Variants in LMBRD1 observed in about 807,000 individuals in gnomAD.
The protein encoded by LMBRD1 is lysosomal cobalamin transport escort protein LMBD1.
A neutral mutation model predicts 74.8 loss-of-function variants in LMBRD1; 64 were observed. The ratio of observed to expected loss-of-function variants is 0.86; its 90% CI spans 0.70 to 1.05. The LOEUF is 1.05. Ranked by LOEUF, LMBRD1 falls within the 50% of genes least tolerant of loss-of-function variation. The probability of loss-of-function intolerance (pLI) is 0.00; values close to 1 mark genes in which losing one functional copy is unlikely to be tolerated. For synonymous variants in LMBRD1, 204 were observed against 216.3 expected (o/e 0.94, Z 0.50); for missense variants, 652 against 645.9 (o/e 1.01, Z -0.10).
At chr6:69,717,720 G>A (rs191674778) in intron 8 of LMBRD1, among the ~76,000 whole-genome samples, 4 of 152,148 alleles carry the variant, frequency 2.6e-5, no homozygotes, top group Admixed American at 1.3e-4. Flanking sequence ...TTTAAACAGG[G>A]TCTTGCTCCA....
intron 14 of LMBRD1, among the ~76,000 whole-genome samples, chr6:69,678,728 C>G (rs777655056): frequency 6.6e-6 from 1 of 152,038 alleles, no homozygotes; most frequent in Non-Finnish European, 1.5e-5. Flanking sequence ...TTTTTCTGAG[C>G]TCTCTTCTCA....
At chr6:69,734,033 G>T (rs1000472283) in intron 7 of LMBRD1, among the ~76,000 whole-genome samples, 3 of 152,156 alleles carry the variant, frequency 2.0e-5, no homozygotes, top group Non-Finnish European at 4.4e-5. Context: ...AAGAAATTTA[G>T]ATGGGAAAGT....
At chr6:69,690,340 A>C (rs533499037) in intron 14 of LMBRD1, among the ~76,000 whole-genome samples, 2 of 152,288 alleles carry the variant, frequency 1.3e-5, no homozygotes, top group South Asian at 4.1e-4. Flanking sequence ...AACGACTCAA[A>C]CAAAAATGCT....
chr6:69,701,918 C>G lies in LMBRD1; in HGVS notation c.951G>C (p.Leu317Phe). Residue 317 changes from leucine to phenylalanine, a missense_variant, in exon 10 of 16, where the codon TTG (leucine) becomes TTC (phenylalanine). By Grantham distance (22) the Leu-to-Phe change is conservative (BLOSUM62 0). Transcript: ENST00000649934. Reference sequence around the variant, plus strand: ...ACAAGAAGAGAGAAATTACAAACAGCAATGCAACTAAGATGAAAAATATTC... The same window carrying G: ...ACAAGAAGAGAGAAATTACAAACAGGAATGCAACTAAGATGAAAAATATTC... Reference protein sequence around the residue: ...VWGIFFILVALLFVISLFLSN... With the variant: ...VWGIFFILVAFLFVISLFLSN... 6.2e-7 allele frequency: 1 copy of G among 1,600,860 alleles called. No individual in the cohort carries two copies. Among genetic ancestry groups the G allele is most frequent in the East Asian group, 2.2e-5 (1 of 44,606 alleles).
chr6:69,771,552 G>T (rs1009367625), intron 3 of LMBRD1, among the ~76,000 whole-genome samples: 1 of 152,152 alleles, frequency 6.6e-6, no homozygotes, highest in Non-Finnish European at 1.5e-5. Flanking sequence ...ATAAGGGCAT[G>T]AATATTAGGA....
At chr6:69,743,281 A>G (rs1339692385) in intron 5 of LMBRD1, among the ~76,000 whole-genome samples, 1 of 152,198 alleles carries the variant, frequency 6.6e-6, no homozygotes, top group African/African-American at 2.4e-5. Flanking sequence ...CACCCATCAT[A>G]CTATTAAAAA....
At chr6:69,695,891 CAG>C (rs1765986605) in intron 14 of LMBRD1, among the ~76,000 whole-genome samples, 1 of 147,368 alleles carries the variant, frequency 6.8e-6, no homozygotes, top group Non-Finnish European at 1.5e-5. Context: ...TCGCCTGGGT[CAG>C]AGTGCAGTGG....
intron 8 of LMBRD1, among the ~76,000 whole-genome samples, chr6:69,717,204 T>C (rs977145212): frequency 3.9e-5 from 6 of 152,196 alleles, no homozygotes; most frequent in African/African-American, 1.4e-4. Context: ...TAAACTCTTA[T>C]TAGTTCTACT....
chr6:69,792,180 A>C (rs1158969565), intron 1 of LMBRD1, among the ~76,000 whole-genome samples: 1 of 152,240 alleles, frequency 6.6e-6, no homozygotes, highest in African/African-American at 2.4e-5. Flanking sequence ...AAGAATGCCC[A>C]CACGAGTGTG....
At chr6:69,789,976 C>T (rs1457498) in intron 2 of LMBRD1, among the ~76,000 whole-genome samples, 12,778 of 152,296 alleles carry the variant, frequency 0.084, 676 homozygotes, top group Admixed American at 0.15. Flanking sequence ...TGATCTGCCA[C>T]TAACAAAAGC....
chr6:69,709,469 T>C (rs1766336982), intron 9 of LMBRD1, among the ~76,000 whole-genome samples: 2 of 152,086 alleles, frequency 1.3e-5, no homozygotes, highest in South Asian at 4.1e-4. Context: ...TAACTTAGGA[T>C]CAGACATGGA....
chr6:69,708,944 C>T (rs1229202494), intron 9 of LMBRD1, among the ~76,000 whole-genome samples: 1 of 151,884 alleles, frequency 6.6e-6, no homozygotes, highest in African/African-American at 2.4e-5. Flanking sequence ...GTTTAAGAAA[C>T]ACTAAATGAG....
chr6:69,755,131 A>T (rs949002901), intron 3 of LMBRD1, among the ~76,000 whole-genome samples: 3 of 152,168 alleles, frequency 2.0e-5, no homozygotes, highest in Admixed American at 6.5e-5. Flanking sequence ...ACATGCACAC[A>T]TATGTTTACT....
At chr6:69,757,960 G>C (rs1388999264) in intron 3 of LMBRD1, among the ~76,000 whole-genome samples, 4 of 152,122 alleles carry the variant, frequency 2.6e-5, no homozygotes, top group Non-Finnish European at 4.4e-5. Context: ...TTAAACTCAT[G>C]AAACAAGTTG....
chr6:69,738,529 C>T (rs1321303575), intron 6 of LMBRD1, among the ~76,000 whole-genome samples: 2 of 151,782 alleles, frequency 1.3e-5, no homozygotes, highest in African/African-American at 4.8e-5. Flanking sequence ...CACTTTTTAA[C>T]TTGAAAGGAC....
At chr6:69,723,533 A>G (rs1462721506) in intron 7 of LMBRD1, among the ~76,000 whole-genome samples, 1 of 152,166 alleles carries the variant, frequency 6.6e-6, no homozygotes, top group African/African-American at 2.4e-5. Flanking sequence ...AGAACTATAC[A>G]AACACATGGA....
chr6:69,779,185 C>CAAAAAAAAAAAAAAAAAAAAA (rs11397050), intron 3 of LMBRD1, among the ~76,000 whole-genome samples: 4 of 100,154 alleles, frequency 4.0e-5, no homozygotes, highest in African/African-American at 9.0e-5. Context: ...GACTCAGTCT[C>CAAAAAAAAAAAAAAAAAAAAA]AAAAAAAAAA....
chr6:69,698,493 A>C (rs1270656362), intron 13 of LMBRD1, among the ~76,000 whole-genome samples: 1 of 152,008 alleles, frequency 6.6e-6, no homozygotes, highest in Non-Finnish European at 1.5e-5. Context: ...ATATGGTCAG[A>C]ATATTTTGAA....
chr6:69,724,450 C>A (rs1766683770), intron 7 of LMBRD1, among the ~76,000 whole-genome samples: 1 of 142,832 alleles, frequency 7.0e-6, no homozygotes, highest in Non-Finnish European at 1.6e-5. Flanking sequence ...AAAGATCATT[C>A]ATTATGACCA....
Sources: allele counts gnomAD v4.1 joint callset (sites outside exome capture counted in the v4.1 genomes callset), GRCh38; gene constraint gnomAD v4.1.1; transcripts MANE v1.5; gene names NCBI Gene and HGNC (gene_info 2026-07-23, HGNC 2026-07-21).